PDCD10: variants seen among roughly 807,000 people sequenced by gnomAD.
PDCD10 encodes programmed cell death 10.
Under a neutral mutation model 29.2 loss-of-function variants are expected in PDCD10, and 4 were observed. That is an observed-to-expected ratio of 0.14 (90% CI 0.07 to 0.31). The LOEUF is 0.31. Among genes scored for constraint, PDCD10 ranks in the 10% least tolerant of loss-of-function variants. The probability of loss-of-function intolerance (pLI) is 1.00; values close to 1 mark genes in which losing one functional copy is unlikely to be tolerated. For synonymous variants in PDCD10, 70 were observed against 82.2 expected (o/e 0.85, Z 0.80); for missense variants, 183 against 257.9 (o/e 0.71, Z 1.99).
chr3:167,696,592 T>C (rs1238291672), intron 5 of PDCD10, among the ~76,000 whole-genome samples: 1 of 152,176 alleles, frequency 6.6e-6, no homozygotes, highest in Admixed American at 6.5e-5. Flanking sequence ...GGTTATATTA[T>C]TCTCTTAAAT....
chr3:167,725,649 T>C (rs1269107483), intron 2 of PDCD10, among the ~76,000 whole-genome samples: 3 of 151,310 alleles, frequency 2.0e-5, no homozygotes, highest in African/African-American at 7.3e-5. Flanking sequence ...GAACCTAACC[T>C]CCCTGAACAT....
chr3:167,719,197 T>G lies in PDCD10; in HGVS notation c.96+865A>C, dbSNP rs779988645. On this transcript the variant is annotated intron_variant, in intron 3 of 8. Coordinates refer to ENST00000392750, the MANE Select transcript of PDCD10 (RefSeq NM_007217.4). ...ATTCATTGGAAATGGTGAGAGCATA[T>G]GGACTATAACAGTAACAATAAGGTT... is the stretch of plus-strand genomic sequence containing the variant. 1.4e-4 allele frequency among the ~76,000 whole-genome samples: 22 copies of G among 152,128 alleles called. No homozygotes were observed. The highest frequency in any genetic ancestry group is 2.6e-4 in the Non-Finnish European group (18 of 68,004).
At chr3:167,716,736 A>C (rs1723063371) in intron 3 of PDCD10, among the ~76,000 whole-genome samples, 1 of 152,050 alleles carries the variant, frequency 6.6e-6, no homozygotes, top group African/African-American at 2.4e-5. Context: ...AAACATATTA[A>C]TTACTTACAC....
At chr3:167,686,149 CA>C (rs1424058416) in intron 8 of PDCD10, among the ~76,000 whole-genome samples, 1 of 152,090 alleles carries the variant, frequency 6.6e-6, no homozygotes, top group African/African-American at 2.4e-5. Flanking sequence ...TAATCTTGTT[CA>C]AAAAATTCTC....
intron 2 of PDCD10, among the ~76,000 whole-genome samples, chr3:167,720,790 C>T (rs1723486959): frequency 6.6e-6 from 1 of 152,006 alleles, no homozygotes; most frequent in African/African-American, 2.4e-5. Flanking sequence ...GAAAATAACA[C>T]AAACATAACA....
intron 2 of PDCD10, chr3:167,731,051 T>C (rs1483196980): frequency 6.6e-6 from 1 of 152,170 alleles, no homozygotes; most frequent in Non-Finnish European, 1.5e-5. Context: ...ATCCAGATTC[T>C]AACCATGGTT....
chr3:167,713,277 G>A (rs965751388), intron 3 of PDCD10, among the ~76,000 whole-genome samples: 4 of 151,024 alleles, frequency 2.6e-5, no homozygotes, highest in Non-Finnish European at 4.5e-5. Context: ...CCAGTAACAA[G>A]AGAAATTTTT....
At position 167,687,822 on chromosome 3, in the gene PDCD10, A is replaced by G. The variant is rs1182603418; in HGVS notation, c.396-129T>C. ...ATCACAGTACACTCTTAATTATGTTAAGCGCAATCACTTCAAGAACAGCCA... is the reference window on the plus strand; with the variant it reads ...ATCACAGTACACTCTTAATTATGTTGAGCGCAATCACTTCAAGAACAGCCA... On this transcript the variant is annotated intron_variant, in intron 6 of 8. Coordinates refer to ENST00000392750, the MANE Select transcript of PDCD10 (RefSeq NM_007217.4). The G allele has an allele frequency of 4.4e-5, 29 of 662,366 alleles. No individual in the cohort carries two copies. The Admixed American group carries it at 6.5e-4, about 15-fold the overall frequency. 41.0% of individuals were successfully genotyped at this position (662,366 alleles called of 1,614,324 possible). A position where few individuals can be genotyped will look rare whatever the true frequency, so the allele number is the denominator to read the frequency against.
chr3:167,694,524 T>C, intron 6 of PDCD10: 1 of 154,694 alleles, frequency 6.5e-6, no homozygotes, highest in Non-Finnish European at 1.4e-5. Flanking sequence ...TCCTGCTACC[T>C]TTTGGGGCTT....
intron 3 of PDCD10, among the ~76,000 whole-genome samples, chr3:167,706,565 C>A (rs574571822): frequency 7.4e-5 from 11 of 148,064 alleles, no homozygotes; most frequent in South Asian, 4.2e-4. Context: ...GGTAATGTTG[C>A]GCTACAATGA....
At chr3:167,718,701 C>G (rs1269905520) in intron 3 of PDCD10, among the ~76,000 whole-genome samples, 2 of 151,420 alleles carry the variant, frequency 1.3e-5, no homozygotes, top group Non-Finnish European at 2.9e-5. Context: ...ACTTTTTCCC[C>G]TTCCAGGCAA....
At chr3:167,724,715 A>C (rs772197881) in intron 2 of PDCD10, among the ~76,000 whole-genome samples, 5 of 152,240 alleles carry the variant, frequency 3.3e-5, no homozygotes, top group Non-Finnish European at 5.9e-5. Flanking sequence ...CTATTAACAA[A>C]GCCTGGACCC....
chr3:167,705,244 C>T (rs79132376), intron 3 of PDCD10, among the ~76,000 whole-genome samples: 2 of 152,106 alleles, frequency 1.3e-5, no homozygotes, highest in African/African-American at 2.4e-5. Context: ...AAAAATAATT[C>T]CATTTGTAAA....
At chr3:167,687,340 A>T (rs1577317948) in intron 7 of PDCD10, 24 bp from the exon 8 acceptor site, 2 of 1,306,240 alleles carry the variant, frequency 1.5e-6, no homozygotes, top group African/African-American at 2.9e-5. Context: ...ATATAATAAG[A>T]AATAAAGTAC....
chr3:167,686,371 T>C (rs1719628425), intron 8 of PDCD10, among the ~76,000 whole-genome samples: 1 of 152,218 alleles, frequency 6.6e-6, no homozygotes, highest in Non-Finnish European at 1.5e-5. Context: ...TGAAAGCCTC[T>C]TTCCAGGAGA....
chr3:167,684,263 T>C lies in PDCD10; in HGVS notation c.*45A>G. 3 of 1,057,876 alleles carry C rather than the reference T, an allele frequency of 2.8e-6. No individual in the cohort carries two copies. Among genetic ancestry groups the C allele is most frequent in the Non-Finnish European group, 4.5e-6 (3 of 673,278 alleles). 65.5% of individuals were successfully genotyped at this position (1,057,876 alleles called of 1,614,324 possible). A position where few individuals can be genotyped will look rare whatever the true frequency, so the allele number is the denominator to read the frequency against. On this transcript the variant is annotated 3_prime_UTR_variant, in exon 9 of 9. Coordinates refer to ENST00000392750, the MANE Select transcript of PDCD10 (RefSeq NM_007217.4). Reference sequence around the variant, plus strand: ...CTTTAAAATTTACAGATAAAGGCAGTTCAATACTGCCACTGAGAAGTACAT... The same window carrying C: ...CTTTAAAATTTACAGATAAAGGCAGCTCAATACTGCCACTGAGAAGTACAT...
intron 3 of PDCD10, among the ~76,000 whole-genome samples, chr3:167,710,470 T>C (rs567567693): frequency 6.6e-6 from 1 of 152,164 alleles, no homozygotes; most frequent in East Asian, 1.9e-4. Flanking sequence ...CCTCTGCCTG[T>C]AGAAAGGAGA....
intron 2 of PDCD10, among the ~76,000 whole-genome samples, chr3:167,729,603 T>G (rs1233438822): frequency 6.6e-6 from 1 of 152,168 alleles, no homozygotes; most frequent in Non-Finnish European, 1.5e-5. Flanking sequence ...CTCGAAGGGT[T>G]GTCGTAAGGA....
chr3:167,701,179 G>C (rs150580857), intron 4 of PDCD10, among the ~76,000 whole-genome samples: 1 of 152,024 alleles, frequency 6.6e-6, no homozygotes, highest in Non-Finnish European at 1.5e-5. Flanking sequence ...TTGTTTCTGC[G>C]GTTAGAAAGC....
Sources: allele counts gnomAD v4.1 joint callset (sites outside exome capture counted in the v4.1 genomes callset), GRCh38; gene constraint gnomAD v4.1.1; transcripts MANE v1.5; gene names NCBI Gene and HGNC (gene_info 2026-07-23, HGNC 2026-07-21).